The following MYO1D variants were observed in gnomAD, a reference collection of about 807,000 sequenced individuals.
MYO1D encodes the protein unconventional myosin-Id.
MYO1D carries 83 observed loss-of-function variants against 122.0 expected under a neutral mutation model. The ratio of observed to expected loss-of-function variants is 0.68; its 90% CI spans 0.57 to 0.82. The LOEUF is 0.82. Among genes scored for constraint, MYO1D ranks in the 40% least tolerant of loss-of-function variants. The pLI, the probability that MYO1D is intolerant of heterozygous loss-of-function variation, is 0.00. For missense variants in MYO1D, 1,157 were observed against 1,269.5 expected, an observed-to-expected ratio of 0.91 and a Z score of 1.35; for synonymous variants, 464 against 446.9, an observed-to-expected ratio of 1.04 and a Z score of -0.48.
chr17:32,792,471 G>A lies in MYO1D; in HGVS notation c.96-11687C>T, dbSNP rs1442146358. ...CAATAAGGTTCAGCCCACCTTGCCA[G>A]TTCTTAGATGAGAATCTCTCCCAAG... On this transcript the variant is annotated intron_variant, in intron 1 of 21. Coordinates refer to ENST00000318217, the MANE Select transcript of MYO1D (RefSeq NM_015194.3). The A allele has an allele frequency of 3.3e-5, 5 of 152,180 alleles. No individual in the cohort carries two copies. In the East Asian group the frequency reaches 5.8e-4, roughly 18 times the overall value. 9.4% of individuals were successfully genotyped at this position (152,180 alleles called of 1,614,324 possible). A position where few individuals can be genotyped will look rare whatever the true frequency, so the allele number is the denominator to read the frequency against.
chr17:32,512,705 C>T lies in MYO1D; in HGVS notation c.2865-17790G>A, dbSNP rs370795087. 1.4e-3 allele frequency among the ~76,000 whole-genome samples: 217 copies of T among 152,360 alleles called. 6 individuals are homozygous for T. In the South Asian group the frequency reaches 0.041, roughly 29 times the overall value. On this transcript the variant is annotated intron_variant, in intron 21 of 21. Transcript: ENST00000318217. ...TGAACAGGGTGCCAAGGGAGACAGC[C>T]TGGTGTACCAGGGCTGAAGGTGACT...
chr17:32,544,265 A>T (rs77734924), intron 21 of MYO1D, among the ~76,000 whole-genome samples: 12 of 113,684 alleles, frequency 1.1e-4, no homozygotes, highest in African/African-American at 5.9e-4. Flanking sequence ...CCAGCTAATT[A>T]AAAAAAAAAA....
intron 21 of MYO1D, among the ~76,000 whole-genome samples, chr17:32,516,707 G>GT (rs1202088535): frequency 2.6e-5 from 4 of 152,250 alleles, no homozygotes; most frequent in Non-Finnish European, 5.9e-5. Flanking sequence ...TCAGTGGGCA[G>GT]TTTAGGCAAA....
At chr17:32,553,955 T>G (rs2087045694) in intron 21 of MYO1D, among the ~76,000 whole-genome samples, 1 of 152,192 alleles carries the variant, frequency 6.6e-6, no homozygotes, top group South Asian at 2.1e-4. Flanking sequence ...AACATGTCTG[T>G]GTCATCTTCC....
intron 16 of MYO1D, among the ~76,000 whole-genome samples, chr17:32,668,644 T>C (rs930937696): frequency 1.3e-5 from 2 of 152,164 alleles, no homozygotes; most frequent in Non-Finnish European, 2.9e-5. Flanking sequence ...CATACTGCAA[T>C]TCCCTTTATG....
intron 20 of MYO1D, among the ~76,000 whole-genome samples, chr17:32,617,078 G>C (rs2087780217): frequency 6.6e-6 from 1 of 152,192 alleles, no homozygotes; most frequent in Non-Finnish European, 1.5e-5. Flanking sequence ...CTATTCTGGA[G>C]GCTGAGGCAC....
At chr17:32,818,274 T>C (rs2090630963) in intron 1 of MYO1D, among the ~76,000 whole-genome samples, 1 of 152,146 alleles carries the variant, frequency 6.6e-6, no homozygotes, top group Admixed American at 6.5e-5. Flanking sequence ...GTCTTAGTGA[T>C]GCTTCTGTTC....
chr17:32,587,371 G>A (rs2087397626), intron 21 of MYO1D, among the ~76,000 whole-genome samples: 1 of 152,040 alleles, frequency 6.6e-6, no homozygotes, highest in African/African-American at 2.4e-5. Context: ...AATTAGCCAG[G>A]CGTGGTGGTG....
chr17:32,580,783 C>T (rs1017976238), intron 21 of MYO1D, among the ~76,000 whole-genome samples: 7 of 152,094 alleles, frequency 4.6e-5, no homozygotes, highest in Non-Finnish European at 7.4e-5. Context: ...CCCACTTGGT[C>T]ACAATGTATT....
intron 1 of MYO1D, among the ~76,000 whole-genome samples, chr17:32,811,614 C>T (rs1033326455): frequency 4.2e-5 from 5 of 118,930 alleles, no homozygotes; most frequent in African/African-American, 1.5e-4. Flanking sequence ...AACCCTCACC[C>T]TCTTTTTTTT....
chr17:32,700,943 C>CAAAAAAAAAAAAAA (rs751113475), intron 16 of MYO1D, among the ~76,000 whole-genome samples: 2 of 78,220 alleles, frequency 2.6e-5, no homozygotes. Context: ...GACTCCATCT[C>CAAAAAAAAAAAAAA]AAAAAAAAAA....
At chr17:32,534,795 G>A (rs1207564401) in intron 21 of MYO1D, among the ~76,000 whole-genome samples, 3 of 151,934 alleles carry the variant, frequency 2.0e-5, no homozygotes, top group East Asian at 3.9e-4. Context: ...TTTACACCCC[G>A]TAGATGTGAG....
At chr17:32,672,831 G>A (rs1462104147) in intron 16 of MYO1D, among the ~76,000 whole-genome samples, 1 of 152,030 alleles carries the variant, frequency 6.6e-6, no homozygotes, top group Non-Finnish European at 1.5e-5. Flanking sequence ...TGTGCTGATT[G>A]TTAATAGGAG....
chr17:32,767,441 C>T (rs1379067364), intron 7 of MYO1D, among the ~76,000 whole-genome samples, 195 bp downstream of exon 7: 1 of 152,150 alleles, frequency 6.6e-6, no homozygotes, highest in African/African-American at 2.4e-5. Flanking sequence ...TAGTCTCCAA[C>T]CCTATAGTAG....
At chr17:32,727,019 A>G (rs2089584609) in intron 14 of MYO1D, among the ~76,000 whole-genome samples, 2 of 152,206 alleles carry the variant, frequency 1.3e-5, no homozygotes, top group Admixed American at 1.3e-4. Flanking sequence ...CTATAACAGT[A>G]TTTAAGTAAA....
At chr17:32,533,042 C>T (rs781674528) in intron 21 of MYO1D, among the ~76,000 whole-genome samples, 1 of 152,146 alleles carries the variant, frequency 6.6e-6, no homozygotes, top group Non-Finnish European at 1.5e-5. Context: ...CAAGGCACAG[C>T]GTGTTCTGGT....
intron 1 of MYO1D, among the ~76,000 whole-genome samples, chr17:32,874,060 C>T (rs2091205978): frequency 1.3e-5 from 2 of 152,176 alleles, no homozygotes; most frequent in Admixed American, 1.3e-4. Context: ...TCTCCAGCCA[C>T]GAGTCCACCT....
chr17:32,686,996 CA>C (rs2089020903), intron 16 of MYO1D, among the ~76,000 whole-genome samples: 1 of 131,910 alleles, frequency 7.6e-6, no homozygotes, highest in Non-Finnish European at 1.6e-5. Context: ...CACACACACA[CA>C]CACACACACC....
At chr17:32,643,784 T>TA (rs201445526) in intron 19 of MYO1D, among the ~76,000 whole-genome samples, 5,102 of 152,272 alleles carry the variant, frequency 0.034, 277 homozygotes, top group African/African-American at 0.11. Context: ...TATCATTTTT[T>TA]ATTGTGTCTA....
Sources: allele counts gnomAD v4.1 joint callset (sites outside exome capture counted in the v4.1 genomes callset), GRCh38; gene constraint gnomAD v4.1.1; transcripts MANE v1.5; gene names NCBI Gene and HGNC (gene_info 2026-07-23, HGNC 2026-07-21).